Variants in TBC1D5 observed in about 807,000 individuals in gnomAD.
TBC1D5 encodes the protein TBC1 domain family, member 5.
A neutral mutation model predicts 100.3 loss-of-function variants in TBC1D5; 75 were observed. That is an observed-to-expected ratio of 0.75 (90% CI 0.62 to 0.91). TBC1D5 has a LOEUF of 0.91. TBC1D5 is among the 40% of genes least tolerant of loss of function. TBC1D5 has a pLI of 0.00. For missense variants in TBC1D5, 910 were observed against 942.4 expected, an observed-to-expected ratio of 0.97 and a Z score of 0.45; for synonymous variants, 323 against 325.6, an observed-to-expected ratio of 0.99 and a Z score of 0.09.
chr3:17,287,705 T>C (rs1354623603), intron 15 of TBC1D5, among the ~76,000 whole-genome samples: 3 of 152,218 alleles, frequency 2.0e-5, no homozygotes, highest in Admixed American at 1.3e-4. Flanking sequence ...TTTCTATCTA[T>C]TCAAATAAGA....
At chr3:17,371,947 G>T in intron 13 of TBC1D5, 128 bp downstream of exon 13, 1 of 786,444 alleles carries the variant, frequency 1.3e-6, no homozygotes, top group Non-Finnish European at 1.8e-6. Flanking sequence ...TGAGATGGGA[G>T]GATCGCTTGA....
chr3:17,463,389 T>C (rs1196152041), intron 3 of TBC1D5, among the ~76,000 whole-genome samples: 1 of 152,154 alleles, frequency 6.6e-6, no homozygotes, highest in Non-Finnish European at 1.5e-5. Context: ...TCCAATTATC[T>C]AAGACCCTAT....
intron 16 of TBC1D5, among the ~76,000 whole-genome samples, chr3:17,256,530 G>T (rs969832530): frequency 6.6e-6 from 1 of 151,260 alleles, no homozygotes; most frequent in Non-Finnish European, 1.5e-5. Flanking sequence ...AGGGAGAGAA[G>T]GCTAAAGAGA....
intron 15 of TBC1D5, among the ~76,000 whole-genome samples, chr3:17,279,655 G>A (rs2080365314): frequency 6.6e-6 from 1 of 152,060 alleles, no homozygotes; most frequent in Non-Finnish European, 1.5e-5. Context: ...GGTTTTTTTA[G>A]GTGTTTGGCT....
chr3:17,222,956 T>A (rs1022010063), intron 17 of TBC1D5, among the ~76,000 whole-genome samples: 1 of 152,098 alleles, frequency 6.6e-6, no homozygotes, highest in Admixed American at 6.6e-5. Context: ...ATAACTTTTT[T>A]TCATTTTCTT....
chr3:17,569,204 C>T (rs2096611548), intron 2 of TBC1D5, among the ~76,000 whole-genome samples: 1 of 151,766 alleles, frequency 6.6e-6, no homozygotes, highest in Non-Finnish European at 1.5e-5. Context: ...AAAACCCAAT[C>T]CTAAAAGATT....
intron 2 of TBC1D5, among the ~76,000 whole-genome samples, chr3:17,526,363 G>A (rs993313506): frequency 6.6e-6 from 1 of 152,094 alleles, no homozygotes; most frequent in Admixed American, 6.5e-5. Context: ...GACTACAGAT[G>A]AGTGCCACCA....
At chr3:17,186,069 C>T (rs1575811087) in intron 18 of TBC1D5, among the ~76,000 whole-genome samples, 1 of 146,960 alleles carries the variant, frequency 6.8e-6, no homozygotes, top group African/African-American at 2.5e-5. Context: ...GAATAATCCT[C>T]ATCATTTAGC....
At chr3:17,375,131 C>G (rs749211056) in intron 10 of TBC1D5, among the ~76,000 whole-genome samples, 3 of 152,132 alleles carry the variant, frequency 2.0e-5, no homozygotes, top group Non-Finnish European at 4.4e-5. Context: ...ATTTATTTTA[C>G]TTTTTAACAG....
chr3:17,670,396 T>G (rs1463027717), intron 1 of TBC1D5, among the ~76,000 whole-genome samples: 1 of 152,204 alleles, frequency 6.6e-6, no homozygotes, highest in Non-Finnish European at 1.5e-5. Context: ...AGTAGTCCTG[T>G]TTCAAGATTG....
intron 13 of TBC1D5, among the ~76,000 whole-genome samples, chr3:17,322,219 C>G (rs763272792): frequency 5.9e-5 from 9 of 152,230 alleles, no homozygotes; most frequent in Non-Finnish European, 1.3e-4. Context: ...ATATGAACAT[C>G]ATTACACATA....
At chr3:17,180,954 T>C (rs1575780215) in intron 19 of TBC1D5, among the ~76,000 whole-genome samples, 1 of 149,984 alleles carries the variant, frequency 6.7e-6, no homozygotes, top group Non-Finnish European at 1.5e-5. Flanking sequence ...ACATAAGGTG[T>C]GATGGAGTTC....
intron 18 of TBC1D5, among the ~76,000 whole-genome samples, chr3:17,211,899 T>C (rs2073033947): frequency 6.6e-6 from 1 of 152,160 alleles, no homozygotes; most frequent in Non-Finnish European, 1.5e-5. Context: ...AGTTCCTACA[T>C]GTTGAAGGGA....
intron 2 of TBC1D5, among the ~76,000 whole-genome samples, chr3:17,607,844 AAAACTACAGCATCATT>A (rs1482811114): frequency 1.3e-5 from 2 of 152,240 alleles, no homozygotes; most frequent in African/African-American, 4.8e-5. Flanking sequence ...CATTAGGAGC[AAAACTACAGCATCATT>A]TCAATAGATT....
chr3:17,377,252 A>T (rs1336116915), intron 9 of TBC1D5, among the ~76,000 whole-genome samples: 1 of 152,084 alleles, frequency 6.6e-6, no homozygotes, highest in Non-Finnish European at 1.5e-5. Flanking sequence ...TAATGATTTC[A>T]CCAATACGAT....
intron 2 of TBC1D5, among the ~76,000 whole-genome samples, chr3:17,549,569 T>C (rs1194226829): frequency 2.0e-5 from 3 of 152,198 alleles, no homozygotes; most frequent in Admixed American, 2.0e-4. Flanking sequence ...GTTGCAAAAG[T>C]CATACTATAA....
At chr3:17,611,256 A>G (rs753729842) in intron 2 of TBC1D5, among the ~76,000 whole-genome samples, 7 of 152,200 alleles carry the variant, frequency 4.6e-5, no homozygotes, top group Admixed American at 3.9e-4. Flanking sequence ...TGGATAGAAT[A>G]TGGGCAGACA....
chr3:17,636,567 G>A (rs767926126), intron 1 of TBC1D5, among the ~76,000 whole-genome samples: 22 of 152,026 alleles, frequency 1.4e-4, no homozygotes, highest in Non-Finnish European at 1.9e-4. Context: ...CGAGGCAGGC[G>A]GATCACAAGA....
At chr3:17,427,045 T>C (rs1033512215) in intron 4 of TBC1D5, among the ~76,000 whole-genome samples, 14 of 152,042 alleles carry the variant, frequency 9.2e-5, no homozygotes, top group African/African-American at 3.4e-4. Flanking sequence ...CAATCAGCTA[T>C]GACACACTCG....
Sources: gnomAD v4.1 joint callset for allele counts (sites outside exome capture counted in the v4.1 genomes callset) on GRCh38, gnomAD v4.1.1 for gene constraint, MANE v1.5 for transcripts, NCBI Gene and HGNC (gene_info 2026-07-23, HGNC 2026-07-21) for gene names.